The following SESTD1 variants were observed in gnomAD, a reference collection of about 807,000 sequenced individuals.
SESTD1 encodes the protein SEC14 domain and spectrin repeat-containing protein 1.
Under a neutral mutation model 101.7 loss-of-function variants are expected in SESTD1, and 43 were observed. The observed-to-expected ratio is 0.42, with a 90% confidence interval of 0.33 to 0.55. SESTD1 has a LOEUF of 0.55. Ranked by LOEUF, SESTD1 falls within the 20% of genes least tolerant of loss-of-function variation. SESTD1 has a pLI of 0.07. For missense variants in SESTD1, 647 were observed against 815.1 expected (o/e 0.79, Z 2.51); for synonymous variants, 283 against 286.8 (o/e 0.99, Z 0.13).
At chr2:179,136,454 G>A (rs1244827372) in intron 9 of SESTD1, among the ~76,000 whole-genome samples, 3 of 152,160 alleles carry the variant, frequency 2.0e-5, no homozygotes, top group African/African-American at 7.2e-5. Flanking sequence ...AAAAGAACGA[G>A]TTTTAAGGAA....
chr2:179,112,303 C>A (rs2044528678), intron 17 of SESTD1, among the ~76,000 whole-genome samples: 1 of 152,200 alleles, frequency 6.6e-6, no homozygotes, highest in Non-Finnish European at 1.5e-5. Flanking sequence ...CAGGAATAAT[C>A]ATACTGGTTT....
chr2:179,227,145 T>C (rs913196210), intron 1 of SESTD1, among the ~76,000 whole-genome samples: 11 of 152,132 alleles, frequency 7.2e-5, no homozygotes, highest in African/African-American at 2.4e-4. Context: ...AATGGCTTAC[T>C]TGACTTTACT....
chr2:179,193,808 A>T (rs1159021345), intron 1 of SESTD1, among the ~76,000 whole-genome samples: 10 of 152,168 alleles, frequency 6.6e-5, no homozygotes, highest in Non-Finnish European at 1.3e-4. Flanking sequence ...ACTCTCAAAA[A>T]CAAAGTTTAA....
Position 179,150,144 on chromosome 2 carries a change from G to C in SESTD1, c.484-750C>G, listed in dbSNP as rs144946518. Reference sequence around the variant, plus strand: ...AGAGGCTGAGGTGGAAGGACTGCTTGAGCCCAGAAGTTAAAGGTTGCAGTG... The same window carrying C: ...AGAGGCTGAGGTGGAAGGACTGCTTCAGCCCAGAAGTTAAAGGTTGCAGTG... On this transcript the variant is annotated intron_variant, in intron 6 of 17. Transcript: ENST00000428443. Among the ~76,000 whole-genome samples, 3 of 152,310 alleles carry C rather than the reference G, an allele frequency of 2.0e-5. No homozygotes were observed. The South Asian group carries it at 6.2e-4, about 32-fold the overall frequency.
chr2:179,133,296 T>C (rs1256372034), intron 9 of SESTD1, among the ~76,000 whole-genome samples: 2 of 152,158 alleles, frequency 1.3e-5, no homozygotes, highest in Non-Finnish European at 2.9e-5. Context: ...CCACCCCAAG[T>C]TATGCCTTCC....
chr2:179,143,647 C>A lies in SESTD1; in HGVS notation c.794G>T (p.Cys265Phe), dbSNP rs2045329917. ...REQYTRYQEV[C>F]RQRSKRTQLE... The stretch of plus-strand genomic sequence containing the variant: ...CTGTGTGCGCTTGCTACGTTGCCTA[C>A]AAACTTCCTGGTAGCGGGTATATTG... Residue 265 changes from cysteine to phenylalanine, a missense_variant, in exon 9 of 18, where the codon TGT (cysteine) becomes TTT (phenylalanine). Physicochemically the swap from Cys to Phe is radical, Grantham distance 205. This residue lies in a region of SESTD1 where 476 missense variants were observed against 562.6 expected (regional missense o/e 0.85). Coordinates refer to ENST00000428443, the MANE Select transcript of SESTD1 (RefSeq NM_178123.5). 1 of 1,613,936 alleles carries A rather than the reference C, an allele frequency of 6.2e-7. No homozygotes were observed.
intron 1 of SESTD1, among the ~76,000 whole-genome samples, chr2:179,237,013 C>G (rs1559156251): frequency 6.6e-6 from 1 of 151,910 alleles, no homozygotes; most frequent in Non-Finnish European, 1.5e-5. Context: ...ATCGTATTTT[C>G]TTGATCTAAA....
intron 3 of SESTD1, 36 bp from the exon 4 acceptor site, chr2:179,176,574 G>T: frequency 6.4e-7 from 1 of 1,553,220 alleles, no homozygotes; most frequent in Non-Finnish European, 8.8e-7. Flanking sequence ...ATTAAAACAA[G>T]CTCCAGATTT....
At chr2:179,149,577 G>A (rs777924448) in intron 6 of SESTD1, among the ~76,000 whole-genome samples, 183 bp from the exon 7 acceptor site, 1 of 152,116 alleles carries the variant, frequency 6.6e-6, no homozygotes, top group Non-Finnish European at 1.5e-5. Flanking sequence ...GTTTCCTAAA[G>A]CAATGAATAG....
At chr2:179,180,017 T>C (rs926210980) in intron 3 of SESTD1, among the ~76,000 whole-genome samples, 3 of 151,272 alleles carry the variant, frequency 2.0e-5, no homozygotes, top group Admixed American at 6.6e-5. Flanking sequence ...TCTTATTTTG[T>C]AAAGTATCAC....
intron 10 of SESTD1, among the ~76,000 whole-genome samples, chr2:179,127,428 A>T (rs2044899847): frequency 6.6e-6 from 1 of 152,248 alleles, no homozygotes. Flanking sequence ...CATGACACAT[A>T]GTATGTGCTC....
At position 179,108,521 on chromosome 2, in the gene SESTD1, C is replaced by CT. The variant is rs377732360; in HGVS notation, c.*1377_*1378insA. The CT allele has an allele frequency of 7.2e-5, 11 of 151,854 alleles. No individual in the cohort carries two copies. The East Asian group carries it at 2.1e-3, about 29-fold the overall frequency. The allele number at this position is 151,854 out of a possible 1,614,324, so 9.4% of individuals were successfully genotyped here. A position where few individuals can be genotyped will look rare whatever the true frequency, so the allele number is the denominator to read the frequency against. Reference sequence around the variant, plus strand: ...GTAGTGAGTGATGAGGATGTAGGGGCACTGGATGTGGATTTCTCCAAGAAG... The same window carrying CT: ...GTAGTGAGTGATGAGGATGTAGGGGCTACTGGATGTGGATTTCTCCAAGAAG... On this transcript the variant is annotated 3_prime_UTR_variant, in exon 18 of 18. Coordinates refer to ENST00000428443, the MANE Select transcript of SESTD1 (RefSeq NM_178123.5).
At chr2:179,185,695 G>GTATATTATATACAATATATAATATAC (rs1575469092) in intron 2 of SESTD1, among the ~76,000 whole-genome samples, 4 of 120,746 alleles carry the variant, frequency 3.3e-5, no homozygotes, top group East Asian at 2.3e-4. Context: ...ATATAATATA[G>GTATATTATATACAATATATAATATAC]TATATTATAT....
At chr2:179,227,867 T>C (rs1003086327) in intron 1 of SESTD1, among the ~76,000 whole-genome samples, 44 of 152,238 alleles carry the variant, frequency 2.9e-4, no homozygotes, top group African/African-American at 1.0e-3. Flanking sequence ...GCTTATTAGG[T>C]GTGTGACCTT....
intron 5 of SESTD1, among the ~76,000 whole-genome samples, chr2:179,156,716 A>G (rs6725207): frequency 0.99 from 150,595 of 152,294 alleles, 74,490 homozygotes; most frequent in South Asian, 1. Context: ...TAGATTCTGC[A>G]TATTGTCCTT....
intron 9 of SESTD1, among the ~76,000 whole-genome samples, chr2:179,141,488 T>C (rs1217536704): frequency 1.3e-5 from 2 of 151,772 alleles, no homozygotes; most frequent in African/African-American, 4.8e-5. Flanking sequence ...CCTAGGACAA[T>C]GTCATACTAT....
chr2:179,256,629 G>C (rs925212480), intron 1 of SESTD1, among the ~76,000 whole-genome samples: 2 of 152,014 alleles, frequency 1.3e-5, no homozygotes, highest in Non-Finnish European at 2.9e-5. Context: ...TGGCTAACAC[G>C]GTGAAACCCC....
rs1284637693 is a variant in SESTD1 at position 179,105,524 on chromosome 2, G to GAA, written c.*4373_*4374dup. The GAA allele has an allele frequency of 1.3e-5, 2 of 152,052 alleles. No individual in the cohort carries two copies. The highest frequency in any genetic ancestry group is 1.3e-4 in the Admixed American group (2 of 15,254). 9.4% of individuals were successfully genotyped at this position (152,052 alleles called of 1,614,324 possible). On this transcript the variant is annotated 3_prime_UTR_variant, in exon 18 of 18. Transcript: ENST00000428443. ...ACACTAGTGAACTGGGGGTGACGGTGAAGGGGTGGTGGAACTAAGGGGGTG... is the reference window on the plus strand; with the variant it reads ...ACACTAGTGAACTGGGGGTGACGGTGAAAAGGGGTGGTGGAACTAAGGGGGTG...
At chr2:179,212,520 C>T (rs1259826995) in intron 1 of SESTD1, among the ~76,000 whole-genome samples, 1 of 136,154 alleles carries the variant, frequency 7.3e-6, no homozygotes, top group East Asian at 2.0e-4. Flanking sequence ...CACAGCTCAA[C>T]AAGGCCTATT....
Sources: gnomAD v4.1 joint callset for allele counts (sites outside exome capture counted in the v4.1 genomes callset) on GRCh38, gnomAD v4.1.1 for gene constraint, gnomAD v4.1.1 regional missense constraint, MANE v1.5 for transcripts, NCBI Gene and HGNC (gene_info 2026-07-23, HGNC 2026-07-21) for gene names.